CRELD2: variants seen among roughly 807,000 people sequenced by gnomAD.
The protein encoded by CRELD2 is protein disulfide isomerase CRELD2.
A neutral mutation model predicts 48.1 loss-of-function variants in CRELD2; 33 were observed. That is an observed-to-expected ratio of 0.69 (90% confidence interval 0.52 to 0.92). CRELD2 has a LOEUF of 0.92. CRELD2 is among the 40% of genes least tolerant of loss of function. The pLI, the probability that CRELD2 is intolerant of heterozygous loss-of-function variation, is 0.00. For synonymous variants in CRELD2, 220 were observed against 203.9 expected (o/e 1.08, Z -0.67); for missense variants, 477 against 482.4 (o/e 0.99, Z 0.10).
At chr22:49,922,869 TGGG>T (rs1186592077) in intron 6 of CRELD2, among the ~76,000 whole-genome samples, 162 bp downstream of exon 6, 1 of 26,498 alleles carries the variant, frequency 3.8e-5, no homozygotes, top group Admixed American at 4.3e-4. Flanking sequence ...GCTTGGGGTG[TGGG>T]GGGCGTGAGG....
intron 6 of CRELD2, 63 bp downstream of exon 6, chr22:49,922,770 G>T: frequency 2.9e-6 from 1 of 343,376 alleles, no homozygotes. Context: ...GTGAGATGGG[G>T]GCGTAAGGCG....
In CRELD2 at chr22:49,919,817, C is replaced by A. The variant is rs200977795; in HGVS notation, c.300C>A (p.His100Gln). 222 of 1,611,176 alleles carry A rather than the reference C, an allele frequency of 1.4e-4. No individual in the cohort carries two copies. The highest frequency in any genetic ancestry group is 1.0e-5 in the Non-Finnish European group (12 of 1,178,530). ...CNQMLEAQEE[H>Q]LEAWWLQLKS... Reference sequence around the variant, plus strand: ...AGATGCTAGAGGCGCAGGAGGAGCACCTGGAGGCCTGGTGGCTGCAGCTGT... The same window carrying A: ...AGATGCTAGAGGCGCAGGAGGAGCAACTGGAGGCCTGGTGGCTGCAGCTGT... Residue 100 changes from histidine to glutamine, a missense_variant, in exon 3 of 10, where the codon CAC becomes CAA. Coordinates refer to ENST00000328268, the MANE Select transcript of CRELD2 (RefSeq NM_024324.5).
intron 7 of CRELD2, chr22:49,923,791 C>CT (rs2060728799): frequency 3.7e-6 from 1 of 269,512 alleles, no homozygotes; most frequent in Admixed American, 5.1e-5. Flanking sequence ...TGAAGGTAAA[C>CT]TTTTCACATT....
intron 9 of CRELD2, chr22:49,926,473 A>G (rs942391134): frequency 1.3e-5 from 2 of 152,292 alleles, no homozygotes; most frequent in African/African-American, 4.8e-5. Flanking sequence ...GCAATTCCAC[A>G]TCTAGAAGCA....
chr22:49,922,796 A>ATAAGGCGTGGGGGGTGTGAGGCG (rs2060707819), intron 6 of CRELD2, 89 bp downstream of exon 6: 1 of 56,430 alleles, frequency 1.8e-5, no homozygotes, highest in African/African-American at 1.0e-4. Context: ...GGTGTGAGGC[A>ATAAGGCGTGGGGGGTGTGAGGCG]TGGGGGCGGG....
chr22:49,921,426 C>A, intron 4 of CRELD2, 159 bp from the exon 5 acceptor site: 1 of 761,072 alleles, frequency 1.3e-6, no homozygotes, highest in Non-Finnish European at 2.1e-6. Flanking sequence ...CCCTGCAGAC[C>A]CAGGAAATCA....
At chr22:49,922,199 G>C in intron 5 of CRELD2, 2 of 1,336,258 alleles carry the variant, frequency 1.5e-6, no homozygotes, top group East Asian at 2.5e-5. Context: ...TCGGACGTGA[G>C]TGTGTGGTTG....
At position 49,924,416 on chromosome 22, in the gene CRELD2, T is replaced by A. The variant is rs1460074955; in HGVS notation, c.829T>A (p.Cys277Ser). 1.2e-6 allele frequency: 2 copies of A among 1,612,232 alleles called. No homozygotes were observed. The highest frequency in any genetic ancestry group is 8.5e-7 in the Non-Finnish European group (1 of 1,179,394). Reference sequence around the variant, plus strand: ...GGAAGGCCCAGGAAACTGTAAAGAGTGTATCTCTGGCTACGCGAGGGAGCA... The same window carrying A: ...GGAAGGCCCAGGAAACTGTAAAGAGAGTATCTCTGGCTACGCGAGGGAGCA... ...TGEGPGNCKE[C>S]ISGYAREHGQ... The change falls in exon 8 of 10, where the codon TGT becomes AGT. Residue 277 changes from cysteine to serine, a missense_variant. Physicochemically the swap from Cys to Ser is moderately radical, Grantham distance 112 (BLOSUM62 -1). Transcript: ENST00000328268.
chr22:49,922,764 GATGGGGGCGTAAGGC>G (rs1326407149), intron 6 of CRELD2, 57 bp downstream of exon 6: 3 of 677,552 alleles, frequency 4.4e-6, no homozygotes, highest in African/African-American at 2.1e-5. Context: ...GGGGGTGTGA[GATGGGGGCGTAAGGC>G]GTGGGGGGTG....
chr22:49,924,130 A>T, intron 7 of CRELD2: 1 of 417,502 alleles, frequency 2.4e-6, no homozygotes, highest in Admixed American at 4.0e-5. Flanking sequence ...TCTCCCAAAG[A>T]GTTCCAAGCC....
At chr22:49,924,523 A>T in intron 8 of CRELD2, 68 bp downstream of exon 8, 2 of 1,181,406 alleles carry the variant, frequency 1.7e-6, no homozygotes, top group Non-Finnish European at 2.4e-6. Flanking sequence ...GAATGGCCCC[A>T]GCAGGTACTG....
At chr22:49,922,589 C>A in intron 5 of CRELD2, 23 bp from the exon 6 acceptor site, 1 of 1,518,946 alleles carries the variant, frequency 6.6e-7, no homozygotes, top group Non-Finnish European at 8.9e-7. Context: ...GGGTTTGTAC[C>A]CAGGCCCGCC....
intron 4 of CRELD2, 46 bp downstream of exon 4, chr22:49,920,293 T>A: frequency 7.7e-7 from 1 of 1,298,680 alleles, no homozygotes; most frequent in Non-Finnish European, 1.1e-6. Flanking sequence ...TCACTTCCCC[T>A]CTTCTTCTCA....
chr22:49,921,575 T>C lies in CRELD2; in HGVS notation c.416-10T>C. 1 of 1,609,832 alleles carries C rather than the reference T, an allele frequency of 6.2e-7. No homozygotes were observed. Among genetic ancestry groups the C allele is most frequent in the Non-Finnish European group, 8.5e-7 (1 of 1,178,022 alleles). On this transcript the variant is annotated splice_polypyrimidine_tract_variant and intron_variant, in intron 4 of 9. Transcript: ENST00000328268. ...GGTGTGCTCTGAGCATGGTTTTGTG[T>C]CCCCTAAAGCATGCCAGGGCGGATC... is the stretch of plus-strand genomic sequence containing the variant.
At chr22:49,927,204 C>T (rs566966554) in intron 9 of CRELD2, 51 bp from the exon 10 acceptor site, 1 of 1,543,362 alleles carries the variant, frequency 6.5e-7, no homozygotes, top group South Asian at 1.1e-5. Context: ...AGGCCTCATC[C>T]CCAGGGCCCT....
In CRELD2 at chr22:49,923,222, G is replaced by A. The variant is rs768849090; in HGVS notation, c.689-12G>A. The stretch of plus-strand genomic sequence containing the variant: ...GTCCTGGGCCGCTCACAGCTGTGCC[G>A]CTCTGTTCCAGATGTGGACGAGTGT... On this transcript the variant is annotated splice_polypyrimidine_tract_variant and intron_variant, in intron 6 of 9. Transcript: ENST00000328268. The A allele has an allele frequency of 4.9e-5, 76 of 1,561,504 alleles. No individual in the cohort carries two copies. In the Admixed American group the frequency reaches 8.3e-4, roughly 17 times the overall value.
Position 49,919,719 on chromosome 22 carries a change from C to T in CRELD2, c.213-11C>T. On this transcript the variant is annotated splice_polypyrimidine_tract_variant and intron_variant, in intron 2 of 9. Transcript: ENST00000328268. ...GCGCTGACGGTGGGCCGGTGTGGGC[C>T]TGTGTTTCAGCGAGATTCGCCTGCT... The T allele has an allele frequency of 6.3e-7, 1 of 1,597,544 alleles. No individual in the cohort carries two copies. Among genetic ancestry groups the T allele is most frequent in the East Asian group, 2.2e-5 (1 of 44,522 alleles).
Position 49,922,821 on chromosome 22 carries a change from GA to G in CRELD2, c.688+116del, listed in dbSNP as rs1192222483. 2 of 115,084 alleles carry G rather than the reference GA, an allele frequency of 1.7e-5. 1 individual carries two copies. Among genetic ancestry groups the G allele is most frequent in the African/African-American group, 9.1e-5 (2 of 21,980 alleles). The allele number at this position is 115,084 out of a possible 1,614,324, so 7.1% of individuals were successfully genotyped here. ...ATGGGGGCGGGAGGCAGGGGGGCGT[GA>G]AGTGTGGGGGCGTGAGGTGGGGGCG... On this transcript the variant is annotated intron_variant, in intron 6 of 9. Transcript: ENST00000328268.
At chr22:49,920,570 G>C (rs184965755) in intron 4 of CRELD2, among the ~76,000 whole-genome samples, 2 of 152,212 alleles carry the variant, frequency 1.3e-5, no homozygotes, top group Admixed American at 1.3e-4. Context: ...TGACTGACCT[G>C]TCCAGGTGCT....
Sources: gnomAD v4.1 joint callset for allele counts (sites outside exome capture counted in the v4.1 genomes callset) on GRCh38, gnomAD v4.1.1 for gene constraint, MANE v1.5 for transcripts, NCBI Gene and HGNC (gene_info 2026-07-23, HGNC 2026-07-21) for gene names.